ZBTB11: variants seen among roughly 807,000 people sequenced by gnomAD.
The protein encoded by ZBTB11 is zinc finger and BTB domain-containing protein 11.
Under a neutral mutation model 113.1 loss-of-function variants are expected in ZBTB11, and 68 were observed. That is an observed-to-expected ratio of 0.60 (90% CI 0.49 to 0.74). The LOEUF (loss-of-function observed/expected upper bound fraction) is 0.74. Among genes scored for constraint, ZBTB11 ranks in the 30% least tolerant of loss-of-function variants. The probability of loss-of-function intolerance (pLI) is 0.00; values close to 1 mark genes in which losing one functional copy is unlikely to be tolerated. For synonymous variants in ZBTB11, 518 were observed against 452.6 expected (o/e 1.14, Z -1.83); for missense variants, 1,104 against 1,279.4 (o/e 0.86, Z 2.09).
chr3:101,676,627 C>T lies in ZBTB11; in HGVS notation c.288G>A (p.Leu96=). 6.5e-7 allele frequency: 1 copy of T among 1,534,138 alleles called. No homozygotes were observed. The highest frequency in any genetic ancestry group is 8.8e-7 in the Non-Finnish European group (1 of 1,138,666). The change falls in exon 1 of 11, where the codon TTG becomes TTA. Residue 96 remains leucine (L), a synonymous_variant. Coordinates refer to ENST00000312938, the MANE Select transcript of ZBTB11 (RefSeq NM_014415.4). The part of the protein sequence containing the change: ...HHTRHQTWHY[L]SKTYWWRGIL... ...CACCTCGCCACCAGTACGTCTTGGA[C>T]AAGTAGTGCCAGGTCTGATGCCGGG...
chr3:101,651,515 C>A lies in ZBTB11; in HGVS notation c.2813G>T (p.Arg938Ile). The A allele has an allele frequency of 3.1e-6, 5 of 1,614,154 alleles. No individual in the cohort carries two copies. Among genetic ancestry groups the A allele is most frequent in the Non-Finnish European group, 4.2e-6 (5 of 1,180,044 alleles). Residue 938 changes from arginine (R) to isoleucine (I), a missense_variant, in exon 11 of 11, where the codon AGA (arginine) becomes ATA (isoleucine). By Grantham distance (97) the Arg-to-Ile change is moderately conservative (BLOSUM62 -3). Around this residue, in one of 5 missense-constraint regions of ZBTB11, gnomAD observed 148 missense variants for 259.3 expected, o/e 0.57. Coordinates refer to ENST00000312938, the MANE Select transcript of ZBTB11 (RefSeq NM_014415.4). ...CATAATTTTGCAAGGCACATAGTCT[C>A]TGTGGAATTTAGTCATATGTTTACG... is the stretch of plus-strand genomic sequence containing the variant. ...TLRKHMTKFH[R>I]DYVPCKIMLE...
chr3:101,653,145 G>A (rs187121207), intron 8 of ZBTB11, among the ~76,000 whole-genome samples: 2 of 152,172 alleles, frequency 1.3e-5, no homozygotes, highest in African/African-American at 2.4e-5. Flanking sequence ...AGAAAGAATC[G>A]TGCATAGTTC....
At chr3:101,659,156 T>G (rs1223538860) in intron 6 of ZBTB11, among the ~76,000 whole-genome samples, 1 of 152,138 alleles carries the variant, frequency 6.6e-6, no homozygotes, top group Non-Finnish European at 1.5e-5. Context: ...GGAGGATGGT[T>G]TAATCCTCTG....
intron 3 of ZBTB11, among the ~76,000 whole-genome samples, chr3:101,668,934 A>G (rs548567786): frequency 1.4e-4 from 21 of 152,300 alleles, no homozygotes; most frequent in Middle Eastern, 3.4e-3. Context: ...ATCCTCTCAA[A>G]TGAAATGGAC....
intron 5 of ZBTB11, among the ~76,000 whole-genome samples, chr3:101,662,589 G>A (rs995447115): frequency 6.6e-6 from 1 of 152,028 alleles, no homozygotes; most frequent in African/African-American, 2.4e-5. Flanking sequence ...TGCGCAACAA[G>A]AACACAACTC....
intron 3 of ZBTB11, among the ~76,000 whole-genome samples, chr3:101,666,979 G>A (rs1181839604): frequency 4.6e-5 from 7 of 152,138 alleles, no homozygotes; most frequent in Non-Finnish European, 1.0e-4. Context: ...TCTATCTCTT[G>A]ACCTTGTGAT....
chr3:101,662,936 G>A (rs1936918236), intron 5 of ZBTB11, among the ~76,000 whole-genome samples: 1 of 148,672 alleles, frequency 6.7e-6, no homozygotes, highest in African/African-American at 2.5e-5. Context: ...GATAATTTTT[G>A]TATTTCTTTT....
chr3:101,656,149 A>G lies in ZBTB11; in HGVS notation c.2146T>C (p.Phe716Leu), dbSNP rs749247440. Residue 716 changes from phenylalanine to leucine, a missense_variant, in exon 7 of 11, where the codon TTT (phenylalanine) becomes CTT (leucine). Physicochemically the swap from Phe to Leu is conservative, Grantham distance 22. This residue lies in a region of ZBTB11 where 535 missense variants were observed against 518.6 expected (regional missense o/e 1.03). Transcript: ENST00000312938. ...QFQCELCVKS[F>L]VTKRSLQEHM... Reference sequence around the variant, plus strand: ...TCTTGAAGACTCCGTTTGGTAACAAATGACTTAACACACAGTTCACACTGG... The same window carrying G: ...TCTTGAAGACTCCGTTTGGTAACAAGTGACTTAACACACAGTTCACACTGG... 1.3e-6 allele frequency: 2 copies of G among 1,596,024 alleles called. No individual in the cohort carries two copies. The highest frequency in any genetic ancestry group is 1.7e-6 in the Non-Finnish European group (2 of 1,172,352).
Position 101,660,015 on chromosome 3 carries a change from T to A in ZBTB11, c.1814A>T (p.Gln605Leu), listed in dbSNP as rs1037108353. 1.2e-6 allele frequency: 2 copies of A among 1,610,476 alleles called. No homozygotes were observed. The highest frequency in any genetic ancestry group is 1.7e-6 in the Non-Finnish European group (2 of 1,177,310). Residue 605 changes from glutamine to leucine, a missense_variant, in exon 6 of 11, where the codon CAG (glutamine) becomes CTG (leucine). This residue lies in a region of ZBTB11 where 535 missense variants were observed against 518.6 expected (regional missense o/e 1.03). Transcript: ENST00000312938. ...TCGCAAAGAGGCACTGTACTGAAAC[T>A]GTTTTTTACACAACTAAAAGAAAAA... The part of the protein sequence containing the change: ...RDYKCPLCKK[Q>L]FQYSASLRAH...
Position 101,651,684 on chromosome 3 carries a change from C to T in ZBTB11, c.2645-1G>A. 1 of 1,343,200 alleles carries T rather than the reference C, an allele frequency of 7.4e-7. No individual in the cohort carries two copies. The highest frequency in any genetic ancestry group is 9.5e-7 in the Non-Finnish European group (1 of 1,050,584). The allele number at this position is 1,343,200 out of a possible 1,614,324, so 83.2% of individuals were successfully genotyped here. On this transcript the variant is annotated splice_acceptor_variant, in intron 10 of 10. Transcript: ENST00000312938. LOFTEE classifies it high-confidence loss of function. ...GTTAAGCACTCAAATGGCTTAACTC[C>T]TAAAAAAAAAAAAAAAAAAGCATGT...
At chr3:101,668,881 C>A (rs915567969) in intron 3 of ZBTB11, among the ~76,000 whole-genome samples, 11 of 151,526 alleles carry the variant, frequency 7.3e-5, no homozygotes. Flanking sequence ...ATTAAGAGGG[C>A]AAATTTTGTT....
intron 6 of ZBTB11, 31 bp from the exon 7 acceptor site, chr3:101,656,279 A>G: frequency 2.2e-6 from 3 of 1,350,570 alleles, no homozygotes; most frequent in African/African-American, 1.5e-5. Context: ...TTAAGTCAAT[A>G]AAACAAAAAG....
Position 101,676,731 on chromosome 3 carries a change from G to T in ZBTB11, c.184C>A (p.Leu62Met). The part of the protein sequence containing the change: ...RQRHRKTFAE[L>M]EVVLQPERRR... ...CGCTCCGGCTGCAGCACCACCTCCA[G>T]CTCCGCGAAGGTCTTGCGGTGCCGC... The change falls in exon 1 of 11, where the codon CTG (leucine) becomes ATG (methionine). Residue 62 changes from leucine (L) to methionine (M), a missense_variant. This residue lies in a region of ZBTB11 where 245 missense variants were observed against 272.5 expected (regional missense o/e 0.90). Transcript: ENST00000312938. 6.2e-7 allele frequency: 1 copy of T among 1,603,260 alleles called. No homozygotes were observed. The highest frequency in any genetic ancestry group is 1.3e-5 in the African/African-American group (1 of 74,868).
chr3:101,651,650 A>G lies in ZBTB11; in HGVS notation c.2678T>C (p.Val893Ala). 1.9e-6 allele frequency: 3 copies of G among 1,574,082 alleles called. No individual in the cohort carries two copies. Among genetic ancestry groups the G allele is most frequent in the Non-Finnish European group, 2.6e-6 (3 of 1,161,242 alleles). ...VKPFECLTCG[V>A]AWADARSLKR... is the part of the protein sequence containing the mutation. Reference sequence around the variant, plus strand: ...TAGAGATCGGGCATCAGCCCAAGCTACTCCACATGTTAAGCACTCAAATGG... The same window carrying G: ...TAGAGATCGGGCATCAGCCCAAGCTGCTCCACATGTTAAGCACTCAAATGG... Residue 893 changes from valine (V) to alanine (A), a missense_variant, in exon 11 of 11, where the codon GTA (valine) becomes GCA (alanine). Physicochemically the swap from Val to Ala is moderately conservative, Grantham distance 64 (BLOSUM62 0). Transcript: ENST00000312938.
At chr3:101,672,588 C>A (rs568983620) in intron 1 of ZBTB11, among the ~76,000 whole-genome samples, 1 of 152,180 alleles carries the variant, frequency 6.6e-6, no homozygotes, top group East Asian at 1.9e-4. Flanking sequence ...TGATGGCGCA[C>A]GCCTGTAATC....
chr3:101,658,773 A>G (rs1936840574), intron 6 of ZBTB11, among the ~76,000 whole-genome samples: 1 of 152,124 alleles, frequency 6.6e-6, no homozygotes, highest in Non-Finnish European at 1.5e-5. Flanking sequence ...GTGAGGCATA[A>G]AAGACTACAC....
chr3:101,663,222 G>A (rs1268404627), intron 5 of ZBTB11, among the ~76,000 whole-genome samples: 1 of 152,020 alleles, frequency 6.6e-6, no homozygotes, highest in Non-Finnish European at 1.5e-5. Flanking sequence ...ACAGGTGTGA[G>A]CCACCGCACC....
chr3:101,673,743 G>A (rs1047584699), intron 1 of ZBTB11, among the ~76,000 whole-genome samples: 2 of 152,170 alleles, frequency 1.3e-5, no homozygotes, highest in Non-Finnish European at 2.9e-5. Context: ...TCAAACTCCT[G>A]ACCTCAAGTG....
At position 101,651,165 on chromosome 3, in the gene ZBTB11, C is replaced by T. The variant is rs1386948528; in HGVS notation, c.*1G>A. The stretch of plus-strand genomic sequence containing the variant: ...ACTTCTTTTTATCTTCATTAACATA[C>T]TCATTCTCCTCCTGAAATATGTGCT... On this transcript the variant is annotated 3_prime_UTR_variant, in exon 11 of 11. Coordinates refer to ENST00000312938, the MANE Select transcript of ZBTB11 (RefSeq NM_014415.4). 1 of 1,568,992 alleles carries T rather than the reference C, an allele frequency of 6.4e-7. No homozygotes were observed. Among genetic ancestry groups the T allele is most frequent in the Non-Finnish European group, 8.6e-7 (1 of 1,160,094 alleles).
Sources: allele counts gnomAD v4.1 joint callset (sites outside exome capture counted in the v4.1 genomes callset), GRCh38; gene constraint gnomAD v4.1.1; regional missense constraint gnomAD v4.1.1; transcripts MANE v1.5; gene names NCBI Gene and HGNC (gene_info 2026-07-23, HGNC 2026-07-21).